Variants in GIGYF1 observed in about 807,000 individuals in gnomAD.
GIGYF1 encodes GRB10-interacting GYF protein 1.
In GIGYF1, 84 loss-of-function variants were observed where a neutral mutation model predicts 147.1. That is an observed-to-expected ratio of 0.57 (90% confidence interval 0.48 to 0.68). GIGYF1 has a LOEUF of 0.68. Ranked by LOEUF, GIGYF1 falls within the 30% of genes least tolerant of loss-of-function variation. GIGYF1 has a pLI of 0.00. For missense variants in GIGYF1, 1,485 were observed against 1,393.7 expected (o/e 1.07, Z -1.04); for synonymous variants, 752 against 589.5 (o/e 1.28, Z -3.99).
At position 100,688,201 on chromosome 7, in the gene GIGYF1, C is replaced by A. The variant is rs1805560771; in HGVS notation, c.35+3G>T. 6.2e-7 allele frequency: 1 copy of A among 1,612,010 alleles called. No individual in the cohort carries two copies. The highest frequency in any genetic ancestry group is 8.5e-7 in the Non-Finnish European group (1 of 1,179,162). ...CACGGCAGCCGAGGCACAAGTGACT[C>A]ACCACTCAGGCCCAAAGTTGAGTGT... On this transcript the variant is annotated splice_donor_region_variant and intron_variant, in intron 4 of 26. Coordinates refer to ENST00000678049, the MANE Select transcript of GIGYF1 (RefSeq NM_001375765.1).
chr7:100,681,357 T>TAA lies in GIGYF1; in HGVS notation c.*360_*361dup, dbSNP rs368356220. ...TTTTTCATTTTTCATCTTTTTTTCT[T>TAA]AAAAAAAAAAAAAAAACCAAAAAAC... On this transcript the variant is annotated 3_prime_UTR_variant, in exon 27 of 27. Transcript: ENST00000678049. The TAA allele has an allele frequency of 0.23, 31,204 of 138,072 alleles. 3,523 individuals carry two copies. The highest frequency in any genetic ancestry group is 0.25 in the Non-Finnish European group (16,356 of 66,208). The allele number at this position is 138,072 out of a possible 1,614,324, so 8.6% of individuals were successfully genotyped here.
chr7:100,683,878 A>C lies in GIGYF1; in HGVS notation c.1909T>G (p.Leu637Val). 5 of 1,559,550 alleles carry C rather than the reference A, an allele frequency of 3.2e-6. No individual in the cohort carries two copies. The highest frequency in any genetic ancestry group is 4.3e-6 in the Non-Finnish European group (5 of 1,151,256). ...QNLLPTMSRS[L>V]SVPDSGRLWD... ...AGGCGGCCCGAATCTGGCACCGACA[A>C]GGACCGGCTCATCGTCGGGAGCAGG... Residue 637 changes from leucine (L) to valine (V), a missense_variant, in exon 19 of 27, where the codon TTG (leucine) becomes GTG (valine). Physicochemically the swap from Leu to Val is conservative, Grantham distance 32. Transcript: ENST00000678049.
At chr7:100,685,950 C>G in intron 12 of GIGYF1, 24 bp downstream of exon 12, 1 of 1,594,374 alleles carries the variant, frequency 6.3e-7, no homozygotes, top group South Asian at 1.1e-5. Context: ...CAGCCCCAGG[C>G]CCGCTGGGCA....
In GIGYF1 at chr7:100,680,457, A is replaced by AG. The variant is rs1226743429; in HGVS notation, c.*1261dup. 6.6e-6 allele frequency: 1 copy of AG among 152,578 alleles called. No individual in the cohort carries two copies. The highest frequency in any genetic ancestry group is 1.5e-5 in the Non-Finnish European group (1 of 68,046). 9.5% of individuals were successfully genotyped at this position (152,578 alleles called of 1,614,324 possible). A position where few individuals can be genotyped will look rare whatever the true frequency, so the allele number is the denominator to read the frequency against. On this transcript the variant is annotated 3_prime_UTR_variant, in exon 27 of 27. Coordinates refer to ENST00000678049, the MANE Select transcript of GIGYF1 (RefSeq NM_001375765.1). Reference sequence around the variant, plus strand: ...GAATAAGAAGTGGGTGAGCAATAGAAGGGGCAGCCTCCTCTGACCCAGGAG... The same window carrying AG: ...GAATAAGAAGTGGGTGAGCAATAGAAGGGGGCAGCCTCCTCTGACCCAGGAG...
At chr7:100,692,045 A>T (rs1169130859) in intron 1 of GIGYF1, among the ~76,000 whole-genome samples, 1 of 152,248 alleles carries the variant, frequency 6.6e-6, no homozygotes, top group Non-Finnish European at 1.5e-5. Flanking sequence ...GTGCCTTGGC[A>T]CAGAACAGAG....
Position 100,682,774 on chromosome 7 carries a change from G to A in GIGYF1, c.2416C>T (p.Leu806Phe), listed in dbSNP as rs529140194. 20 of 1,522,686 alleles carry A rather than the reference G, an allele frequency of 1.3e-5. No homozygotes were observed. Among genetic ancestry groups the A allele is most frequent in the South Asian group, 3.9e-5 (3 of 76,548 alleles). The allele number at this position is 1,522,686 out of a possible 1,614,324, so 94.3% of individuals were successfully genotyped here. A position where few individuals can be genotyped will look rare whatever the true frequency, so the allele number is the denominator to read the frequency against. ...RAQAPNHRVQLGGLGTAPLNQ... is the reference protein window; with the variant it reads ...RAQAPNHRVQFGGLGTAPLNQ... ...AGGGGGGCAGTGCCCAGGCCCCCAA[G>A]CTGCTACAGATGGCAGAAGATCAGA... Residue 806 changes from leucine to phenylalanine, a missense_variant, in exon 23 of 27, where the codon CTT (leucine) becomes TTT (phenylalanine). By Grantham distance (22) the Leu-to-Phe change is conservative. Coordinates refer to ENST00000678049, the MANE Select transcript of GIGYF1 (RefSeq NM_001375765.1).
At chr7:100,682,888 C>T in intron 22 of GIGYF1, 111 bp from the exon 23 acceptor site, 2 of 1,273,610 alleles carry the variant, frequency 1.6e-6, no homozygotes, top group Non-Finnish European at 2.1e-6. Flanking sequence ...GCCACAAGAG[C>T]TGTTGCCATC....
rs763461254 is a variant in GIGYF1 at position 100,687,475 on chromosome 7, C to T, written c.373+30G>A. The T allele has an allele frequency of 2.6e-5, 42 of 1,605,054 alleles. No individual in the cohort carries two copies. The Admixed American group carries it at 4.0e-4, about 15-fold the overall frequency. ...TCGAAGTCAGGGGCCCAGATCTGCC[C>T]GTCCCCAGGACACGCCATCACCCCT... is the stretch of plus-strand genomic sequence containing the variant. On this transcript the variant is annotated intron_variant, in intron 7 of 26. Coordinates refer to ENST00000678049, the MANE Select transcript of GIGYF1 (RefSeq NM_001375765.1).
In GIGYF1 at chr7:100,682,795, T is replaced by C; in HGVS notation, c.2413-18A>G. ...CCAAGCTGCTACAGATGGCAGAAGA[T>C]CAGAGTGGCTCAAACAAAGGCACCC... On this transcript the variant is annotated intron_variant, in intron 22 of 26. Coordinates refer to ENST00000678049, the MANE Select transcript of GIGYF1 (RefSeq NM_001375765.1). The C allele has an allele frequency of 6.6e-7, 1 of 1,514,868 alleles. No homozygotes were observed. The highest frequency in any genetic ancestry group is 8.8e-7 in the Non-Finnish European group (1 of 1,133,536). 93.8% of individuals were successfully genotyped at this position (1,514,868 alleles called of 1,614,324 possible).
intron 4 of GIGYF1, 26 bp downstream of exon 4, chr7:100,688,178 C>T (rs371623925): frequency 2.7e-4 from 438 of 1,610,782 alleles, no homozygotes; most frequent in South Asian, 4.6e-4. Context: ...CGAATCTCCA[C>T]GGCAGCCGAG....
intron 17 of GIGYF1, 24 bp from the exon 18 acceptor site, chr7:100,684,181 G>A: frequency 6.2e-7 from 1 of 1,609,052 alleles, no homozygotes. Flanking sequence ...AGTGGAGATG[G>A]TGGGCCACAG....
chr7:100,686,146 G>A (rs1184400252), intron 11 of GIGYF1, 34 bp downstream of exon 11: 2 of 1,601,134 alleles, frequency 1.2e-6, no homozygotes, highest in South Asian at 1.1e-5. Context: ...GACCCCGGAA[G>A]GGCAGGTTCC....
At chr7:100,691,301 C>T (rs1049666200) in intron 1 of GIGYF1, among the ~76,000 whole-genome samples, 1 of 152,198 alleles carries the variant, frequency 6.6e-6, no homozygotes, top group Non-Finnish European at 1.5e-5. Flanking sequence ...CCAAGTGCGC[C>T]AGTGCTGAGA....
chr7:100,687,743 TC>T, intron 6 of GIGYF1, 44 bp downstream of exon 6: 1 of 1,463,048 alleles, frequency 6.8e-7, no homozygotes, highest in Non-Finnish European at 9.2e-7. Flanking sequence ...ACCCATGGCC[TC>T]CCCTCCCAGG....
chr7:100,683,238 G>A lies in GIGYF1; in HGVS notation c.2194-8C>T, dbSNP rs1225960988. 1.2e-6 allele frequency: 2 copies of A among 1,612,726 alleles called. No homozygotes were observed. Among genetic ancestry groups the A allele is most frequent in the Non-Finnish European group, 1.7e-6 (2 of 1,179,900 alleles). On this transcript the variant is annotated splice_region_variant and splice_polypyrimidine_tract_variant and intron_variant, in intron 21 of 26. Coordinates refer to ENST00000678049, the MANE Select transcript of GIGYF1 (RefSeq NM_001375765.1). ...TAGCTCCTGCTGCCGCACCTAAGAG[G>A]GGGACATGGTGAGGGGACCTGGCGA...
Position 100,682,743 on chromosome 7 carries a change from T to C in GIGYF1, c.2447A>G (p.Gln816Arg). ...CAGTGGCCCAGCCTCAGACACCCAC[T>C]GGTTCAGGGGGGCAGTGCCCAGGCC... Reference protein sequence around the residue: ...LGGLGTAPLNQWVSEAGPLWG... With the variant: ...LGGLGTAPLNRWVSEAGPLWG... The change falls in exon 23 of 27, where the codon CAG becomes CGG. Residue 816 changes from glutamine (Q) to arginine (R), a missense_variant. Transcript: ENST00000678049. The C allele has an allele frequency of 5.2e-6, 8 of 1,550,294 alleles. No homozygotes were observed. The highest frequency in any genetic ancestry group is 6.1e-6 in the Non-Finnish European group (7 of 1,149,782).
chr7:100,686,719 C>T lies in GIGYF1; in HGVS notation c.624G>A (p.Glu208=), dbSNP rs2131385806. Residue 208 remains glutamate, a synonymous_variant, in exon 10 of 27, where the codon GAG becomes GAA. Transcript: ENST00000678049. ...WRSLREEQEE[E]EEGSWRLGAG... ...CTCCGAGCCTCCAGCTGCCCTCCTC[C>T]TCCTCCTCCTGTTCCTCCCGTAGGG... The T allele has an allele frequency of 2.5e-6, 4 of 1,613,722 alleles. No individual in the cohort carries two copies. The highest frequency in any genetic ancestry group is 3.4e-6 in the Non-Finnish European group (4 of 1,179,960).
rs866567776 is a variant in GIGYF1 at position 100,684,155 on chromosome 7, C to T, written c.1733G>A (p.Arg578His). 13 of 1,608,468 alleles carry T rather than the reference C, an allele frequency of 8.1e-6. No individual in the cohort carries two copies. The highest frequency in any genetic ancestry group is 1.3e-5 in the African/African-American group (1 of 74,872). ...TCGGAGCGCGCACTGTGGGAGCTGG[C>T]GGCTGCAAATGGGACAGTGGAGATG... is the stretch of plus-strand genomic sequence containing the variant. The part of the protein sequence containing the change: ...HQQFLQLVSS[R>H]QLPQCALREK... Residue 578 changes from arginine to histidine, a missense_variant and splice_region_variant, in exon 18 of 27, where the codon CGC becomes CAC. By Grantham distance (29) the Arg-to-His change is conservative. Coordinates refer to ENST00000678049, the MANE Select transcript of GIGYF1 (RefSeq NM_001375765.1).
chr7:100,686,106 A>C, intron 11 of GIGYF1, 27 bp from the exon 12 acceptor site: 2 of 1,602,438 alleles, frequency 1.2e-6, no homozygotes, highest in Non-Finnish European at 1.7e-6. Flanking sequence ...TGGGGAGCAG[A>C]GAACAGCTGG....
Sources: allele counts gnomAD v4.1 joint callset (sites outside exome capture counted in the v4.1 genomes callset), GRCh38; gene constraint gnomAD v4.1.1; transcripts MANE v1.5; gene names NCBI Gene and HGNC (gene_info 2026-07-23, HGNC 2026-07-21).